Variants in FBN1 observed in about 807,000 individuals in gnomAD.
The protein encoded by FBN1 is fibrillin 1.
A neutral mutation model predicts 365.1 loss-of-function variants in FBN1; 29 were observed. The observed-to-expected ratio is 0.08, with a 90% CI of 0.06 to 0.11. FBN1 has a LOEUF of 0.11. FBN1 is among the 10% of genes least tolerant of loss of function. The probability of loss-of-function intolerance (pLI) is 1.00; values close to 1 mark genes in which losing one functional copy is unlikely to be tolerated. For synonymous variants in FBN1, 1,210 were observed against 1,270.5 expected (o/e 0.95, Z 1.01); for missense variants, 2,476 against 3,703.2 (o/e 0.67, Z 8.60).
Position 48,504,027 on chromosome 15 carries a change from CCAT to C in FBN1, c.1961-91_1961-89del. 4 of 1,496,434 alleles carry C rather than the reference CCAT, an allele frequency of 2.7e-6. No individual in the cohort carries two copies. In the South Asian group the frequency reaches 4.6e-5, roughly 17 times the overall value. 92.7% of individuals were successfully genotyped at this position (1,496,434 alleles called of 1,614,324 possible). On this transcript the variant is annotated intron_variant, in intron 16 of 65. Transcript: ENST00000316623. ...CAAAGTTGAAGAGGGCTTTATTTATCCATCATCCCTGGTGTAACTCACAGGGAA... is the reference window on the plus strand; with the variant it reads ...CAAAGTTGAAGAGGGCTTTATTTATCCATCCCTGGTGTAACTCACAGGGAA...
chr15:48,435,350 G>A (rs1173476884), intron 53 of FBN1, among the ~76,000 whole-genome samples: 1 of 150,348 alleles, frequency 6.7e-6, no homozygotes, highest in Non-Finnish European at 1.5e-5. Flanking sequence ...CCTATCACTC[G>A]TCAAAAGTTT....
intron 9 of FBN1, among the ~76,000 whole-genome samples, chr15:48,521,923 G>A (rs568099528): frequency 1.3e-5 from 2 of 152,208 alleles, no homozygotes; most frequent in Non-Finnish European, 2.9e-5. Context: ...GAACTGGGCT[G>A]TACAGCAGGG....
chr15:48,472,444 A>T, intron 35 of FBN1, 107 bp downstream of exon 35: 27 of 1,434,702 alleles, frequency 1.9e-5, no homozygotes, highest in Non-Finnish European at 2.3e-5. Flanking sequence ...ATGAAGCTAA[A>T]ACACACCTCA....
In FBN1 at chr15:48,410,939, TA is replaced by T. The variant is rs1566888503; in HGVS notation, c.*50del. 1 of 1,472,428 alleles carries T rather than the reference TA, an allele frequency of 6.8e-7. No individual in the cohort carries two copies. The highest frequency in any genetic ancestry group is 9.4e-7 in the Non-Finnish European group (1 of 1,059,318). 91.2% of individuals were successfully genotyped at this position (1,472,428 alleles called of 1,614,324 possible). On this transcript the variant is annotated 3_prime_UTR_variant, in exon 66 of 66. Transcript: ENST00000316623. ...TTCTGATTGGGGGAAAATATAGTTC[TA>T]CCTATCTATATTTGTTTTTCTTTTA...
At chr15:48,590,582 TAAG>T (rs371163258) in intron 6 of FBN1, among the ~76,000 whole-genome samples, 2 of 152,354 alleles carry the variant, frequency 1.3e-5, no homozygotes, top group African/African-American at 4.8e-5. Context: ...ACTGCACATA[TAAG>T]AAGGAGGTGG....
At chr15:48,512,301 T>C (rs896904723) in intron 13 of FBN1, among the ~76,000 whole-genome samples, 6 of 152,248 alleles carry the variant, frequency 3.9e-5, no homozygotes, top group African/African-American at 1.4e-4. Flanking sequence ...TCTAAAGTGA[T>C]ATAAACCTCG....
In FBN1 at chr15:48,500,449, CT is replaced by C. The variant is rs1384078904; in HGVS notation, c.2114-1412del. 1.1e-4 allele frequency among the ~76,000 whole-genome samples: 16 copies of C among 152,268 alleles called. No individual in the cohort carries two copies. The East Asian group carries it at 2.9e-3, about 28-fold the overall frequency. On this transcript the variant is annotated intron_variant, in intron 17 of 65. Coordinates refer to ENST00000316623, the MANE Select transcript of FBN1 (RefSeq NM_000138.5). ...GGGAGTTTTGGAAGCAGCCCTTTTC[CT>C]CTGTTAGTTTCTTCTCCCATAAATT...
chr15:48,628,595 C>T (rs1315525023), intron 2 of FBN1, among the ~76,000 whole-genome samples: 1 of 152,162 alleles, frequency 6.6e-6, no homozygotes, highest in African/African-American at 2.4e-5. Context: ...AATTTCATAG[C>T]TCATAATAGC....
At chr15:48,471,482 T>G (rs2043376577) in intron 35 of FBN1, among the ~76,000 whole-genome samples, 1 of 152,178 alleles carries the variant, frequency 6.6e-6, no homozygotes, top group Admixed American at 6.5e-5. Context: ...CTGTTTTCCT[T>G]GGATATTTGG....
At chr15:48,544,034 G>A (rs998779079) in intron 6 of FBN1, among the ~76,000 whole-genome samples, 1 of 151,578 alleles carries the variant, frequency 6.6e-6, no homozygotes, top group African/African-American at 2.4e-5. Context: ...TATAAAAGTG[G>A]GAACAATTAT....
Position 48,506,502 on chromosome 15 carries a change from G to A in FBN1, c.1838-1355C>T, listed in dbSNP as rs1246183492. ...CTGGTCAACTTTTTATTCAAATTGT[G>A]ACACACAGCAAAACGTGGAGACTAC... On this transcript the variant is annotated intron_variant, in intron 15 of 65. Coordinates refer to ENST00000316623, the MANE Select transcript of FBN1 (RefSeq NM_000138.5). Among the ~76,000 whole-genome samples, 7 of 152,222 alleles carry A rather than the reference G, an allele frequency of 4.6e-5. No individual in the cohort carries two copies. In the East Asian group the frequency reaches 1.2e-3, roughly 25 times the overall value.
intron 6 of FBN1, among the ~76,000 whole-genome samples, chr15:48,580,495 A>C (rs905447965): frequency 6.6e-6 from 1 of 152,156 alleles, no homozygotes. Flanking sequence ...TGGCTTCTCC[A>C]TATGACTTGG....
intron 53 of FBN1, among the ~76,000 whole-genome samples, chr15:48,436,553 C>G (rs775254095): frequency 1.2e-4 from 19 of 152,134 alleles, no homozygotes; most frequent in South Asian, 2.1e-4. Flanking sequence ...GTTATATAGC[C>G]TTTCATCTTA....
chr15:48,468,273 T>C, intron 37 of FBN1, 139 bp downstream of exon 37: 3 of 1,356,564 alleles, frequency 2.2e-6, no homozygotes, highest in Non-Finnish European at 2.1e-6. Flanking sequence ...GGAAAAGATA[T>C]CTGAATCTAA....
chr15:48,512,842 A>G (rs1175644461), intron 13 of FBN1, among the ~76,000 whole-genome samples: 1 of 151,988 alleles, frequency 6.6e-6, no homozygotes, highest in Non-Finnish European at 1.5e-5. Context: ...ATGGAGATAG[A>G]TGTTTGGGCT....
At chr15:48,469,270 G>T (rs1414432967) in intron 36 of FBN1, among the ~76,000 whole-genome samples, 2 of 151,736 alleles carry the variant, frequency 1.3e-5, no homozygotes, top group East Asian at 3.9e-4. Context: ...GAGTATATGT[G>T]GCTTGTTATT....
chr15:48,605,139 T>C (rs1321747008), intron 4 of FBN1, among the ~76,000 whole-genome samples: 1 of 152,174 alleles, frequency 6.6e-6, no homozygotes, highest in African/African-American at 2.4e-5. Context: ...AAAGGTTTTG[T>C]AAATATAGAC....
intron 10 of FBN1, among the ~76,000 whole-genome samples, chr15:48,518,773 A>G (rs1262404873): frequency 2.6e-5 from 4 of 152,212 alleles, no homozygotes; most frequent in African/African-American, 9.7e-5. Flanking sequence ...AAGCTGGCCA[A>G]TCTAAAATCC....
intron 2 of FBN1, chr15:48,641,498 C>T (rs1890197431): frequency 6.6e-6 from 1 of 152,184 alleles, no homozygotes; most frequent in Non-Finnish European, 1.5e-5. Context: ...AACAAGAAGG[C>T]AGTATTTGCT....
Sources: allele counts gnomAD v4.1 joint callset (sites outside exome capture counted in the v4.1 genomes callset), GRCh38; gene constraint gnomAD v4.1.1; transcripts MANE v1.5; gene names NCBI Gene and HGNC (gene_info 2026-07-23, HGNC 2026-07-21).